The following TRPC3 variants were observed in gnomAD, a reference collection of about 807,000 sequenced individuals.
TRPC3 encodes short transient receptor potential channel 3.
In TRPC3, 54 loss-of-function variants were observed where a neutral mutation model predicts 90.9. That is an observed-to-expected ratio of 0.59 (90% CI 0.48 to 0.75). TRPC3 has a LOEUF of 0.75. Ranked by LOEUF, TRPC3 falls within the 30% of genes least tolerant of loss-of-function variation. The pLI, the probability that TRPC3 is intolerant of heterozygous loss-of-function variation, is 0.00. For missense variants in TRPC3, 918 were observed against 1,194.5 expected (o/e 0.77, Z 3.41); for synonymous variants, 424 against 450.9 (o/e 0.94, Z 0.75).
intron 11 of TRPC3, among the ~76,000 whole-genome samples, chr4:121,882,007 C>T (rs1727959858): frequency 6.6e-6 from 1 of 152,082 alleles, no homozygotes; most frequent in African/African-American, 2.4e-5. Context: ...ATCTGCTTAA[C>T]TGGAAAAATG....
intron 3 of TRPC3, among the ~76,000 whole-genome samples, chr4:121,922,973 A>G (rs899522710): frequency 2.0e-5 from 3 of 152,206 alleles, no homozygotes; most frequent in African/African-American, 7.2e-5. Flanking sequence ...GAGATCTGCC[A>G]TTAATGGTTG....
chr4:121,935,788 G>A (rs367646891), intron 1 of TRPC3, among the ~76,000 whole-genome samples: 17 of 152,088 alleles, frequency 1.1e-4, no homozygotes, highest in African/African-American at 4.1e-4. Context: ...TGGTGGAAAG[G>A]CTTTTAATTT....
chr4:121,948,177 G>GAA (rs5861549), intron 1 of TRPC3, among the ~76,000 whole-genome samples: 676 of 145,266 alleles, frequency 4.7e-3, no homozygotes, highest in African/African-American at 0.017. Flanking sequence ...CCTTTAAAAA[G>GAA]AAAAAAAAAA....
intron 8 of TRPC3, among the ~76,000 whole-genome samples, chr4:121,904,004 G>A (rs1451804358): frequency 1.3e-5 from 2 of 152,150 alleles, no homozygotes; most frequent in African/African-American, 4.8e-5. Context: ...TAGAATTGTG[G>A]GCTGGCTAAT....
At chr4:121,935,419 GGTGTGTGTGTGTGTGT>G (rs34252770) in intron 1 of TRPC3, among the ~76,000 whole-genome samples, 4 of 147,334 alleles carry the variant, frequency 2.7e-5, no homozygotes, top group South Asian at 2.2e-4. Flanking sequence ...ACATGTGTGG[GGTGTGTGTGTGTGTGT>G]GTGTGTGTGT....
chr4:121,927,637 C>T (rs1034729077), intron 2 of TRPC3, among the ~76,000 whole-genome samples: 1 of 152,156 alleles, frequency 6.6e-6, no homozygotes, highest in Non-Finnish European at 1.5e-5. Flanking sequence ...AAAACCACGT[C>T]ATCAGCTAAA....
At chr4:121,918,759 T>C (rs1378493518) in intron 3 of TRPC3, among the ~76,000 whole-genome samples, 2 of 152,202 alleles carry the variant, frequency 1.3e-5, no homozygotes, top group African/African-American at 4.8e-5. Flanking sequence ...CAGATTTTCC[T>C]CCAATGATGT....
intron 2 of TRPC3, among the ~76,000 whole-genome samples, chr4:121,931,561 A>T (rs942987197): frequency 2.3e-4 from 6 of 25,562 alleles, no homozygotes; most frequent in Admixed American, 1.3e-3. Flanking sequence ...TCACTTATTA[A>T]AAAAAATCTC....
chr4:121,939,751 C>T (rs1440168449), intron 1 of TRPC3, among the ~76,000 whole-genome samples: 1 of 152,170 alleles, frequency 6.6e-6, no homozygotes, highest in Admixed American at 6.5e-5. Context: ...TGAGCTGAAA[C>T]CAAGTACTTG....
chr4:121,942,859 G>T (rs1173075351), intron 1 of TRPC3, among the ~76,000 whole-genome samples: 1 of 152,196 alleles, frequency 6.6e-6, no homozygotes, highest in African/African-American at 2.4e-5. Context: ...TTGCCTGCAT[G>T]ACTTCTTGGT....
intron 1 of TRPC3, among the ~76,000 whole-genome samples, chr4:121,947,282 C>T (rs868746345): frequency 2.0e-5 from 3 of 151,860 alleles, no homozygotes; most frequent in African/African-American, 4.8e-5. Context: ...TAAAGAAAGC[C>T]GCCTCTTTCT....
chr4:121,944,749 A>G (rs540572323), intron 1 of TRPC3, among the ~76,000 whole-genome samples: 1 of 152,308 alleles, frequency 6.6e-6, no homozygotes, highest in African/African-American at 2.4e-5. Flanking sequence ...TCTCAAGTTG[A>G]TTTGCCATCA....
At chr4:121,886,705 T>C (rs1728130126) in intron 10 of TRPC3, among the ~76,000 whole-genome samples, 1 of 152,218 alleles carries the variant, frequency 6.6e-6, no homozygotes. Context: ...CTGCATTTTT[T>C]TGTTTTTTGT....
intron 10 of TRPC3, among the ~76,000 whole-genome samples, chr4:121,889,220 A>G (rs1728235438): frequency 6.6e-6 from 1 of 152,216 alleles, no homozygotes; most frequent in African/African-American, 2.4e-5. Flanking sequence ...ATACTTCAGG[A>G]CACTGGTCTG....
intron 3 of TRPC3, among the ~76,000 whole-genome samples, chr4:121,920,312 A>G (rs1386623734): frequency 6.6e-6 from 1 of 152,102 alleles, no homozygotes; most frequent in East Asian, 1.9e-4. Context: ...ACTTGAGGTC[A>G]GGAGTTCAAG....
rs572898280 is a variant in TRPC3 at position 121,943,208 on chromosome 4, C to G, written c.215+8258G>C. Among the ~76,000 whole-genome samples the G allele has an allele frequency of 2.8e-4, 43 of 152,070 alleles. No homozygotes were observed. The East Asian group carries it at 8.3e-3, about 29-fold the overall frequency. ...TTTTCCCCCCCTAGATTACAGAATA[C>G]CCCTAGTCACATATGGTTATGTGTG... On this transcript the variant is annotated intron_variant, in intron 1 of 11. Coordinates refer to ENST00000379645, the MANE Select transcript of TRPC3 (RefSeq NM_001130698.2).
At chr4:121,889,042 T>C (rs147210185) in intron 10 of TRPC3, among the ~76,000 whole-genome samples, 98 of 152,244 alleles carry the variant, frequency 6.4e-4, no homozygotes, top group African/African-American at 2.2e-3. Context: ...AGAACATACA[T>C]TGGGGAAAGG....
rs1185812030 is a variant in TRPC3 at position 121,951,602 on chromosome 4, C to T, written c.79G>A (p.Glu27Lys). The change falls in exon 1 of 12, where the codon GAG becomes AAG. Residue 27 changes from glutamate to lysine, a missense_variant. Transcript: ENST00000379645. This position sits in a 1 kb window ranked among gnomAD's most constrained non-coding sequence, Gnocchi z 4.4. ...PAPEEEEDEG[E>K]DEGAEPQRRR... ...CGCTGCGGCTCCGCGCCCTCGTCCT[C>T]GCCCTCGTCTTCCTCCTCCTCCGGC... The T allele has an allele frequency of 7.6e-6, 11 of 1,453,722 alleles. No homozygotes were observed. Among genetic ancestry groups the T allele is most frequent in the Non-Finnish European group, 1.0e-5 (11 of 1,098,064 alleles). The allele number at this position is 1,453,722 out of a possible 1,614,324, so 90.1% of individuals were successfully genotyped here.
chr4:121,929,867 A>AT (rs113220964), intron 2 of TRPC3, among the ~76,000 whole-genome samples: 11 of 149,576 alleles, frequency 7.4e-5, no homozygotes, highest in Admixed American at 1.3e-4. Flanking sequence ...CTAGGAAAAA[A>AT]TTTTTTTTTT....
Sources: gnomAD v4.1 joint callset for allele counts (sites outside exome capture counted in the v4.1 genomes callset) on GRCh38, gnomAD v4.1.1 for gene constraint, Gnocchi (gnomAD v3.1) non-coding constraint, MANE v1.5 for transcripts, NCBI Gene and HGNC (gene_info 2026-07-23, HGNC 2026-07-21) for gene names.